EFCAB11: variants seen among roughly 807,000 people sequenced by gnomAD.
EFCAB11 encodes the protein EF-hand calcium binding domain 11.
A neutral mutation model predicts 23.0 loss-of-function variants in EFCAB11; 14 were observed. That is an observed-to-expected ratio of 0.61 (90% CI 0.40 to 0.95). The LOEUF is 0.95. Among genes scored for constraint, EFCAB11 ranks in the 40% least tolerant of loss-of-function variants. The probability of loss-of-function intolerance (pLI) is 0.00; values close to 1 mark genes in which losing one functional copy is unlikely to be tolerated. For missense variants in EFCAB11, 198 were observed against 195.8 expected, an observed-to-expected ratio of 1.01 and a Z score of -0.07; for synonymous variants, 65 against 66.6, an observed-to-expected ratio of 0.98 and a Z score of 0.11.
intron 5 of EFCAB11, among the ~76,000 whole-genome samples, chr14:89,823,210 G>A (rs1422220187): frequency 6.6e-6 from 1 of 152,144 alleles, no homozygotes; most frequent in Non-Finnish European, 1.5e-5. Context: ...AGATGCAGAG[G>A]ATCACATGAA....
intron 2 of EFCAB11, chr14:89,952,262 A>T (rs1407531965): frequency 4.9e-6 from 2 of 407,744 alleles, no homozygotes; most frequent in Non-Finnish European, 6.6e-6. Flanking sequence ...TGAAAAGTAA[A>T]ATCTGTTAAA....
At chr14:89,815,991 C>T (rs989713496) in intron 5 of EFCAB11, among the ~76,000 whole-genome samples, 1 of 152,110 alleles carries the variant, frequency 6.6e-6, no homozygotes, top group Non-Finnish European at 1.5e-5. Context: ...CTGACATTTT[C>T]ACAATATTAA....
intron 5 of EFCAB11, among the ~76,000 whole-genome samples, chr14:89,859,250 A>G (rs1389893322): frequency 1.3e-5 from 2 of 152,186 alleles, no homozygotes; most frequent in African/African-American, 2.4e-5. Flanking sequence ...TTAAAGGTCC[A>G]AGGTTTTAGA....
At chr14:89,816,049 T>A (rs1886326798) in intron 5 of EFCAB11, among the ~76,000 whole-genome samples, 1 of 152,218 alleles carries the variant, frequency 6.6e-6, no homozygotes, top group African/African-American at 2.4e-5. Flanking sequence ...TGTGTCCTCT[T>A]CAATTTCGCT....
At chr14:89,842,047 C>T (rs1212237352) in intron 5 of EFCAB11, among the ~76,000 whole-genome samples, 3 of 152,174 alleles carry the variant, frequency 2.0e-5, no homozygotes, top group Non-Finnish European at 2.9e-5. Context: ...TCATGACTCC[C>T]AGGTGCTGAA....
At chr14:89,916,047 A>G (rs1889829122) in intron 5 of EFCAB11, among the ~76,000 whole-genome samples, 1 of 152,288 alleles carries the variant, frequency 6.6e-6, no homozygotes, top group Non-Finnish European at 1.5e-5. Context: ...CCAAGCCCTT[A>G]AGGCACAACT....
At chr14:89,836,964 G>A (rs1887103468) in intron 5 of EFCAB11, 4 of 450,698 alleles carry the variant, frequency 8.9e-6, no homozygotes, top group Admixed American at 4.7e-5. Context: ...GGAGGCTGCA[G>A]TGAGCCAAGA....
intron 5 of EFCAB11, among the ~76,000 whole-genome samples, chr14:89,819,552 TGGGACTACAG>T (rs1020501524): frequency 3.9e-5 from 6 of 152,042 alleles, no homozygotes; most frequent in Admixed American, 6.5e-5. Context: ...CCAGAGTAGC[TGGGACTACAG>T]GGGACTACAG....
chr14:89,954,007 GAACATTAAATAGCT>G lies in EFCAB11; in HGVS notation c.76-20_76-7del, dbSNP rs753005204. The stretch of plus-strand genomic sequence containing the variant: ...TCATCACATGCTTTAAATACCTGAA[GAACATTAAATAGCT>G]TTAGTTAATGAGACAGAAATGGTTT... On this transcript the variant is annotated splice_polypyrimidine_tract_variant and splice_region_variant and intron_variant, in intron 1 of 5. Transcript: ENST00000316738. The G allele has an allele frequency of 2.5e-6, 4 of 1,608,396 alleles. No homozygotes were observed. Among genetic ancestry groups the G allele is most frequent in the Non-Finnish European group, 2.6e-6 (3 of 1,176,442 alleles).
intron 5 of EFCAB11, among the ~76,000 whole-genome samples, chr14:89,842,283 G>T (rs1157831266): frequency 6.6e-6 from 1 of 152,192 alleles, no homozygotes; most frequent in East Asian, 1.9e-4. Flanking sequence ...TATGGCCAGA[G>T]GGATCTGTCT....
At chr14:89,842,779 C>G (rs1887313816) in intron 5 of EFCAB11, among the ~76,000 whole-genome samples, 1 of 152,080 alleles carries the variant, frequency 6.6e-6, no homozygotes, top group African/African-American at 2.4e-5. Context: ...ACACCATCCC[C>G]CTTTACCCTG....
At chr14:89,913,777 TA>T (rs953168038) in intron 5 of EFCAB11, among the ~76,000 whole-genome samples, 2 of 152,180 alleles carry the variant, frequency 1.3e-5, no homozygotes, top group African/African-American at 4.8e-5. Flanking sequence ...TTTTCAAAGT[TA>T]AAATTTTTTT....
intron 5 of EFCAB11, among the ~76,000 whole-genome samples, chr14:89,826,578 T>C (rs926628680): frequency 6.6e-6 from 1 of 152,068 alleles, no homozygotes; most frequent in African/African-American, 2.4e-5. Flanking sequence ...CAGGAAGCTG[T>C]CGCAAAACTT....
intron 3 of EFCAB11, among the ~76,000 whole-genome samples, chr14:89,944,636 A>G (rs1890902839): frequency 6.6e-6 from 1 of 152,224 alleles, no homozygotes; most frequent in Non-Finnish European, 1.5e-5. Flanking sequence ...AAAAAAATGT[A>G]GAAAAGGCTT....
intron 5 of EFCAB11, among the ~76,000 whole-genome samples, chr14:89,829,572 T>C (rs903865753): frequency 3.9e-5 from 6 of 152,224 alleles, no homozygotes; most frequent in Non-Finnish European, 7.3e-5. Flanking sequence ...GGATTGTTTA[T>C]GCATCTGATA....
intron 5 of EFCAB11, among the ~76,000 whole-genome samples, chr14:89,867,914 C>T (rs1888145795): frequency 6.6e-6 from 1 of 152,146 alleles, no homozygotes; most frequent in East Asian, 1.9e-4. Context: ...AAAGTTCCCC[C>T]CGCTTTTCTT....
chr14:89,919,408 C>T (rs1889955151), intron 5 of EFCAB11, among the ~76,000 whole-genome samples: 1 of 152,094 alleles, frequency 6.6e-6, no homozygotes, highest in African/African-American at 2.4e-5. Context: ...GGACAGAGGC[C>T]TAAGTGAAGA....
intron 5 of EFCAB11, chr14:89,830,759 T>A (rs1013187140): frequency 2.0e-5 from 3 of 152,234 alleles, no homozygotes; most frequent in Non-Finnish European, 2.9e-5. Flanking sequence ...GGTCACCTAA[T>A]GAAACTGGCA....
intron 5 of EFCAB11, among the ~76,000 whole-genome samples, chr14:89,864,440 T>C (rs1888023788): frequency 6.6e-6 from 1 of 152,138 alleles, no homozygotes; most frequent in Admixed American, 6.5e-5. Flanking sequence ...TTCCTTTTTT[T>C]TTCAGATGGG....
Sources: gnomAD v4.1 joint callset for allele counts (sites outside exome capture counted in the v4.1 genomes callset) on GRCh38, gnomAD v4.1.1 for gene constraint, MANE v1.5 for transcripts, NCBI Gene and HGNC (gene_info 2026-07-23, HGNC 2026-07-21) for gene names.